The following TCF4 variants were observed in gnomAD, a reference collection of about 807,000 sequenced individuals.
TCF4 encodes the protein SL3-3 enhancer factor 2.
Under a neutral mutation model 82.1 loss-of-function variants are expected in TCF4, and 3 were observed. That is an observed-to-expected ratio of 0.04 (90% confidence interval 0.02 to 0.09). The LOEUF is 0.09. TCF4 is among the 10% of genes least tolerant of loss of function. The probability of loss-of-function intolerance (pLI) is 1.00; values close to 1 mark genes in which losing one functional copy is unlikely to be tolerated. For synonymous variants in TCF4, 276 were observed against 309.6 expected (o/e 0.89, Z 1.14); for missense variants, 518 against 852.7 (o/e 0.61, Z 4.89).
chr18:55,278,851 G>A (rs2061973977), intron 9 of TCF4, among the ~76,000 whole-genome samples: 1 of 152,136 alleles, frequency 6.6e-6, no homozygotes, highest in African/African-American at 2.4e-5. Flanking sequence ...ACAGGCGTGA[G>A]CCACCGCACT....
At chr18:55,602,340 C>G (rs1382317981) in intron 2 of TCF4, among the ~76,000 whole-genome samples, 1 of 152,208 alleles carries the variant, frequency 6.6e-6, no homozygotes, top group African/African-American at 2.4e-5. Flanking sequence ...ACTCTCCTGC[C>G]CTTGGCTAGG....
intron 16 of TCF4, among the ~76,000 whole-genome samples, chr18:55,234,006 C>G (rs937388092): frequency 2.0e-5 from 3 of 151,910 alleles, no homozygotes; most frequent in Non-Finnish European, 4.4e-5. Flanking sequence ...GTTATCTAAG[C>G]GACTCCTAGT....
intron 8 of TCF4, among the ~76,000 whole-genome samples, chr18:55,288,331 T>G (rs970713101): frequency 6.6e-6 from 1 of 152,224 alleles, no homozygotes; most frequent in African/African-American, 2.4e-5. Context: ...GCAGCCAAAC[T>G]GTACATATAC....
chr18:55,622,577 C>G (rs565405604), intron 2 of TCF4, among the ~76,000 whole-genome samples: 2 of 151,592 alleles, frequency 1.3e-5, no homozygotes, highest in South Asian at 4.2e-4. Flanking sequence ...TTGTAGGCAT[C>G]CATTTTCAGA....
At chr18:55,283,683 T>G (rs897601909) in intron 8 of TCF4, among the ~76,000 whole-genome samples, 1 of 152,238 alleles carries the variant, frequency 6.6e-6, no homozygotes, top group Non-Finnish European at 1.5e-5. Flanking sequence ...TAGGCAATCT[T>G]GGACCAGTTA....
chr18:55,402,289 A>T, intron 6 of TCF4: 1 of 936,612 alleles, frequency 1.1e-6, no homozygotes, highest in Non-Finnish European at 1.3e-6. Flanking sequence ...CCAACCCACC[A>T]GAAGTCGTAC....
intron 3 of TCF4, among the ~76,000 whole-genome samples, chr18:55,557,318 G>C (rs2097313778): frequency 1.3e-5 from 2 of 152,026 alleles, no homozygotes; most frequent in Non-Finnish European, 2.9e-5. Context: ...TACACCTGTA[G>C]TCTCAGCTAC....
chr18:55,629,906 GA>G (rs35862987), intron 2 of TCF4, among the ~76,000 whole-genome samples: 15 of 150,786 alleles, frequency 9.9e-5, no homozygotes, highest in South Asian at 4.2e-4. Context: ...GGTCAAAGTG[GA>G]AAAAAAAAGG....
chr18:55,382,746 C>T (rs1384156106), intron 6 of TCF4, among the ~76,000 whole-genome samples: 1 of 152,118 alleles, frequency 6.6e-6, no homozygotes, highest in African/African-American at 2.4e-5. Flanking sequence ...TTCTCAAATG[C>T]TTTCTGTATT....
At chr18:55,390,082 A>T (rs1831970577) in intron 6 of TCF4, among the ~76,000 whole-genome samples, 1 of 152,128 alleles carries the variant, frequency 6.6e-6, no homozygotes, top group Non-Finnish European at 1.5e-5. Context: ...CTCAACTCAC[A>T]ATTTGGTAAT....
intron 5 of TCF4, among the ~76,000 whole-genome samples, chr18:55,448,948 T>C (rs2095573903): frequency 6.6e-6 from 1 of 152,232 alleles, no homozygotes; most frequent in Non-Finnish European, 1.5e-5. Flanking sequence ...AGGCAGCTTC[T>C]TTTATTCTCA....
intron 3 of TCF4, among the ~76,000 whole-genome samples, chr18:55,555,936 T>C (rs1603622773): frequency 6.6e-6 from 1 of 152,340 alleles, no homozygotes. Flanking sequence ...CTTTAGAGAC[T>C]GGGTCTTGTG....
At chr18:55,348,966 T>C (rs1432141403) in intron 8 of TCF4, among the ~76,000 whole-genome samples, 1 of 152,248 alleles carries the variant, frequency 6.6e-6, no homozygotes, top group East Asian at 1.9e-4. Context: ...ATAAAACCTA[T>C]TAAAAGCTAA....
intron 12 of TCF4, among the ~76,000 whole-genome samples, chr18:55,260,574 TA>T (rs2057835606): frequency 6.6e-6 from 1 of 152,134 alleles, no homozygotes; most frequent in South Asian, 2.1e-4. Context: ...TTTATTTATT[TA>T]TTTGATGGAG....
intron 10 of TCF4, among the ~76,000 whole-genome samples, chr18:55,272,872 AG>A (rs1407002876): frequency 2.6e-5 from 4 of 152,110 alleles, no homozygotes; most frequent in Admixed American, 2.6e-4. Flanking sequence ...TACTGAAGTA[AG>A]GGTTTATGTT....
chr18:55,514,839 TAG>T (rs1225521996), intron 3 of TCF4, among the ~76,000 whole-genome samples: 13 of 152,134 alleles, frequency 8.5e-5, no homozygotes, highest in Non-Finnish European at 1.3e-4. Context: ...ATTTATAGAA[TAG>T]TACAATTTTT....
At chr18:55,611,248 A>T (rs1016331969) in intron 2 of TCF4, among the ~76,000 whole-genome samples, 1 of 152,194 alleles carries the variant, frequency 6.6e-6, no homozygotes, top group African/African-American at 2.4e-5. Context: ...AGTGTGACAG[A>T]TCACAACACT....
chr18:55,406,103 C>A (rs149524595), intron 5 of TCF4, among the ~76,000 whole-genome samples: 1 of 149,610 alleles, frequency 6.7e-6, no homozygotes, highest in East Asian at 2.0e-4. Flanking sequence ...GGCAGCACAG[C>A]CAGCAGGAGG....
At chr18:55,312,288 G>T (rs1288828494) in intron 8 of TCF4, among the ~76,000 whole-genome samples, 1 of 152,106 alleles carries the variant, frequency 6.6e-6, no homozygotes, top group Non-Finnish European at 1.5e-5. Context: ...CTGAACCCAG[G>T]AATCACCATC....
Sources: gnomAD v4.1 joint callset for allele counts (sites outside exome capture counted in the v4.1 genomes callset) on GRCh38, gnomAD v4.1.1 for gene constraint, MANE v1.5 for transcripts, NCBI Gene and HGNC (gene_info 2026-07-23, HGNC 2026-07-21) for gene names.